The following TMPRSS9 variants were observed in gnomAD, a reference collection of about 807,000 sequenced individuals.
TMPRSS9 encodes the protein transmembrane serine protease 9, also known as transmembrane protease serine 9.
A neutral mutation model predicts 111.4 loss-of-function variants in TMPRSS9; 113 were observed. The observed-to-expected ratio is 1.01, with a 90% CI of 0.87 to 1.19. The LOEUF (loss-of-function observed/expected upper bound fraction) is 1.19, where lower values mean the gene tolerates loss of function less well. TMPRSS9 is among the 50% of genes most tolerant of loss of function. TMPRSS9 has a pLI of 0.00. For missense variants in TMPRSS9, 1,803 were observed against 1,513.1 expected, an observed-to-expected ratio of 1.19 and a Z score of -3.18; for synonymous variants, 805 against 659.1, an observed-to-expected ratio of 1.22 and a Z score of -3.39.
chr19:2,405,687 T>A, intron 7 of TMPRSS9, 142 bp downstream of exon 8: 1 of 904,506 alleles, frequency 1.1e-6, no homozygotes, highest in East Asian at 3.2e-5. Context: ...CTTTTGCTGT[T>A]GTTGAATCTG....
intron 3 of TMPRSS9, 39 bp downstream of exon 4, chr19:2,398,901 G>A (rs1324149356): frequency 6.5e-7 from 1 of 1,530,560 alleles, no homozygotes; most frequent in Admixed American, 2.0e-5. Context: ...AAACTTGGTG[G>A]ACATCTGGGA....
intron 8 of TMPRSS9, among the ~76,000 whole-genome samples, chr19:2,408,990 A>AAATAATAATAATAATAATAATAAT: frequency 8.0e-6 from 1 of 124,992 alleles, no homozygotes; most frequent in East Asian, 2.3e-4. Context: ...CTCCATCTCA[A>AAATAATAATAATAATAATAATAAT]AATAATAATA....
chr19:2,378,225 C>T (rs1480128055), intron 1 of TMPRSS9, among the ~76,000 whole-genome samples: 1 of 152,024 alleles, frequency 6.6e-6, no homozygotes, highest in Non-Finnish European at 1.5e-5. Flanking sequence ...TTCTTTACAG[C>T]AGGACAAAAA....
chr19:2,410,594 C>A (rs556393091), intron 9 of TMPRSS9, among the ~76,000 whole-genome samples, 200 bp downstream of exon 10: 6 of 152,242 alleles, frequency 3.9e-5, no homozygotes, highest in African/African-American at 1.2e-4. Context: ...AATTTTAAAG[C>A]AGTTGGGATT....
intron 1 of TMPRSS9, among the ~76,000 whole-genome samples, chr19:2,362,979 C>T (rs1364358714): frequency 6.6e-6 from 1 of 151,698 alleles, no homozygotes; most frequent in Admixed American, 6.6e-5. Context: ...GTGTGCAAAT[C>T]CCCTCTTCCT....
intron 1 of TMPRSS9, among the ~76,000 whole-genome samples, chr19:2,363,814 G>C (rs569632974): frequency 7.1e-6 from 1 of 140,952 alleles, no homozygotes; most frequent in Non-Finnish European, 1.5e-5. Flanking sequence ...GCGTGCGCGC[G>C]TGTGTGTGTG....
At position 2,415,992 on chromosome 19, in the gene TMPRSS9, G is replaced by A. The variant is rs746446209; in HGVS notation, c.1745+151G>A. The A allele has an allele frequency of 1.9e-5, 19 of 977,416 alleles. No individual in the cohort carries two copies. The East Asian group carries it at 2.1e-4, about 11-fold the overall frequency. 60.5% of individuals were successfully genotyped at this position (977,416 alleles called of 1,614,324 possible). On this transcript the variant is annotated intron_variant, in intron 11 of 17. Coordinates refer to ENST00000648592, the Ensembl canonical transcript of TMPRSS9. Reference sequence around the variant, plus strand: ...GGCAGCTGAGAGACAGGAGGGAGCCGGTGCCAAGGCTTCTAAGGACAAACA... The same window carrying A: ...GGCAGCTGAGAGACAGGAGGGAGCCAGTGCCAAGGCTTCTAAGGACAAACA...
At chr19:2,385,188 C>T (rs866756015), upstream of TMPRSS9, among the ~76,000 whole-genome samples, 151 of 24,978 alleles carry the variant, frequency 6.0e-3, 1 homozygote, top group African/African-American at 0.019. Context: ...GCGGGGCTCG[C>T]GGGGGCGGGG....
chr19:2,408,213 TG>T, intron 7 of TMPRSS9, 142 bp from the exon 9 acceptor site: 2 of 832,578 alleles, frequency 2.4e-6, no homozygotes, highest in Non-Finnish European at 1.8e-6. Flanking sequence ...CCACTGTGTC[TG>T]GCCTGATTTT....
At chr19:2,390,040 G>C (rs1970551918) in intron 1 of TMPRSS9, 113 bp downstream of exon 2, 1 of 1,411,216 alleles carries the variant, frequency 7.1e-7, no homozygotes, top group Non-Finnish European at 9.7e-7. Context: ...GCAGTGTCTA[G>C]GCGTGGAGAT....
intron 2 of TMPRSS9, among the ~76,000 whole-genome samples, chr19:2,396,941 G>T (rs1455174747): frequency 6.6e-6 from 1 of 151,036 alleles, no homozygotes; most frequent in Admixed American, 6.6e-5. Flanking sequence ...TTTTTCTTGA[G>T]ACGGAGTCTC....
chr19:2,379,552 C>G (rs1970364704), intron 1 of TMPRSS9, among the ~76,000 whole-genome samples: 1 of 152,032 alleles, frequency 6.6e-6, no homozygotes, highest in Non-Finnish European at 1.5e-5. Flanking sequence ...CCTGCCTCAC[C>G]TCTCACAGTT....
At chr19:2,424,556 C>T (rs1467480694) in intron 15 of TMPRSS9, among the ~76,000 whole-genome samples, 1 of 150,836 alleles carries the variant, frequency 6.6e-6, no homozygotes, top group Admixed American at 6.6e-5. Flanking sequence ...CAGCTCCAGG[C>T]TAAGCCCACG....
At chr19:2,362,900 G>A (rs917691998) in intron 1 of TMPRSS9, among the ~76,000 whole-genome samples, 2 of 151,706 alleles carry the variant, frequency 1.3e-5, no homozygotes, top group African/African-American at 4.8e-5. Flanking sequence ...TTGGTTGTGT[G>A]AGGTTGTGTG....
Position 2,421,943 on chromosome 19 carries a change from GGT to G in TMPRSS9, c.2245_2246del (p.Val749Ter). 1 of 1,613,220 alleles carries G rather than the reference GGT, an allele frequency of 6.2e-7. No homozygotes were observed. Among genetic ancestry groups the G allele is most frequent in the Non-Finnish European group, 8.5e-7 (1 of 1,179,958 alleles). The stretch of plus-strand genomic sequence containing the variant: ...TGAGCTGGGGTATTGGCTGCGCTCA[GGT>G]TAAGAAGCCGGGCGTGTACACGCGC... On this transcript the variant is annotated frameshift_variant, in exon 14 of 18. Coordinates refer to ENST00000648592, the Ensembl canonical transcript of TMPRSS9. LOFTEE classifies it high-confidence loss of function.
intron 4 of TMPRSS9, among the ~76,000 whole-genome samples, chr19:2,400,942 C>T (rs35271372): frequency 0.31 from 44,391 of 143,620 alleles, 6,889 homozygotes; most frequent in Admixed American, 0.39. Context: ...CACCACTGCA[C>T]TGTAGCCTGG....
intron 4 of TMPRSS9, among the ~76,000 whole-genome samples, chr19:2,401,153 A>G (rs573476028): frequency 8.5e-5 from 13 of 152,200 alleles, no homozygotes; most frequent in Admixed American, 1.3e-4. Flanking sequence ...GGGCGCCTGT[A>G]GTCCCAGCTG....
At chr19:2,418,050 A>C (rs1365440057) in exon 13 of TMPRSS9, 4 of 1,612,342 alleles carry the variant, frequency 2.5e-6, no homozygotes, top group Non-Finnish European at 3.4e-6. Context: ...ATCATAGACC[A>C]GAAAACCTGT....
At chr19:2,366,636 T>TTG (rs1970249450) in intron 1 of TMPRSS9, among the ~76,000 whole-genome samples, 1 of 151,680 alleles carries the variant, frequency 6.6e-6, no homozygotes, top group Non-Finnish European at 1.5e-5. Context: ...GGAGGGCAGA[T>TTG]CACAAGGTCA....
Sources: allele counts gnomAD v4.1 joint callset (sites outside exome capture counted in the v4.1 genomes callset), GRCh38; gene constraint gnomAD v4.1.1; transcripts MANE v1.5; gene names NCBI Gene and HGNC (gene_info 2026-07-23, HGNC 2026-07-21).